Variants in CLIP3 observed in about 807,000 individuals in gnomAD.
CLIP3 encodes the protein CAP-Gly domain-containing linker protein 3.
A neutral mutation model predicts 59.4 loss-of-function variants in CLIP3; 15 were observed. The observed-to-expected ratio is 0.25, with a 90% CI of 0.17 to 0.39. The LOEUF is 0.39. CLIP3 is among the 10% of genes least tolerant of loss of function. The probability of loss-of-function intolerance (pLI) is 1.00; values close to 1 mark genes in which losing one functional copy is unlikely to be tolerated. For missense variants in CLIP3, 495 were observed against 765.7 expected (o/e 0.65, Z 4.17); for synonymous variants, 300 against 321.6 (o/e 0.93, Z 0.72).
chr19:36,023,205 C>T (rs768267722), intron 7 of CLIP3, among the ~76,000 whole-genome samples: 33 of 152,202 alleles, frequency 2.2e-4, no homozygotes, highest in Admixed American at 3.9e-4. Flanking sequence ...TGCCACTGCA[C>T]TCTGGCCTGG....
At position 36,021,002 on chromosome 19, in the gene CLIP3, C is replaced by T. The variant is rs375460244; in HGVS notation, c.919-1696G>A. On this transcript the variant is annotated intron_variant, in intron 7 of 13. Transcript: ENST00000360535. Reference sequence around the variant, plus strand: ...CCGAGTAGCTGGGACTACAGGTGAACGCCACCAAAGCCTGGCTAATTAAAA... The same window carrying T: ...CCGAGTAGCTGGGACTACAGGTGAATGCCACCAAAGCCTGGCTAATTAAAA... Among the ~76,000 whole-genome samples, 18 of 152,174 alleles carry T rather than the reference C, an allele frequency of 1.2e-4. No individual in the cohort carries two copies. In the South Asian group the frequency reaches 1.9e-3, roughly 16 times the overall value.
In CLIP3 at chr19:36,032,206, AG is replaced by A. The variant is rs1555788388; in HGVS notation, c.151del (p.Leu51SerfsTer46). On this transcript the variant is annotated frameshift_variant, in exon 2 of 14. Transcript: ENST00000360535. LOFTEE classifies it high-confidence loss of function. This position sits in a 1 kb window ranked among gnomAD's most constrained non-coding sequence, Gnocchi z 4.3. ...ACAGTGGTTACCGTAGTCCTTAGGG[AG>A]GGGGGCAGGTGCCGAGGGGTGCACA... ...PVVHPSAPAP[L>X]PKDYAFTFFD... is the part of the protein sequence containing the mutation. 9.3e-6 allele frequency: 12 copies of A among 1,284,210 alleles called. No homozygotes were observed. In the South Asian group the frequency reaches 1.2e-4, roughly 13 times the overall value. 79.6% of individuals were successfully genotyped at this position (1,284,210 alleles called of 1,614,324 possible).
chr19:36,023,003 T>C (rs1253071990), intron 7 of CLIP3, among the ~76,000 whole-genome samples: 7 of 152,080 alleles, frequency 4.6e-5, no homozygotes, highest in Non-Finnish European at 8.8e-5. Flanking sequence ...TGCAGTGAGC[T>C]GAGATCGCGC....
At chr19:36,019,425 A>G in intron 7 of CLIP3, 119 bp from the exon 8 acceptor site, 5 of 1,198,308 alleles carry the variant, frequency 4.2e-6, no homozygotes, top group Non-Finnish European at 6.0e-6. Context: ...ACCCCAGGTC[A>G]CACATCACCA....
chr19:36,031,671 C>T (rs564848157), intron 2 of CLIP3, among the ~76,000 whole-genome samples: 87 of 152,336 alleles, frequency 5.7e-4, no homozygotes, highest in Admixed American at 1.6e-3. Flanking sequence ...TCAACTGTAA[C>T]CTCCTCAGGG....
Position 36,017,412 on chromosome 19 carries a change from C to T in CLIP3, c.1490G>A (p.Gly497Glu), listed in dbSNP as rs768767409. 6.2e-7 allele frequency: 1 copy of T among 1,614,120 alleles called. No homozygotes were observed. The highest frequency in any genetic ancestry group is 2.2e-5 in the East Asian group (1 of 44,888). The change falls in exon 12 of 14, where the codon GGA (glycine) becomes GAA (glutamate). Residue 497 changes from glycine (G) to glutamate (E), a missense_variant. Physicochemically the swap from Gly to Glu is moderately conservative, Grantham distance 98 (BLOSUM62 -2). This residue lies in a region of CLIP3 where 179 missense variants were observed against 226.2 expected (regional missense o/e 0.79). Coordinates refer to ENST00000360535, the MANE Select transcript of CLIP3 (RefSeq NM_015526.3). The stretch of plus-strand genomic sequence containing the variant: ...TGTCACTTGATGCACTTTTTTGGCT[C>T]CAACGCTGTCCCCGGGGGAATCAGT... Reference protein sequence around the residue: ...GSTDSPGDSVGAKKVHQVTMT... With the variant: ...GSTDSPGDSVEAKKVHQVTMT...
Position 36,015,805 on chromosome 19 carries a change from G to A in CLIP3, c.*353C>T. On this transcript the variant is annotated 3_prime_UTR_variant, in exon 14 of 14. Coordinates refer to ENST00000360535, the MANE Select transcript of CLIP3 (RefSeq NM_015526.3). ...GTTAATGGGGAGGTTTCTGATCCAGGGTTGGGTGATTCAAGAATGTTCTGT... is the reference window on the plus strand; with the variant it reads ...GTTAATGGGGAGGTTTCTGATCCAGAGTTGGGTGATTCAAGAATGTTCTGT... The A allele has an allele frequency of 3.2e-6, 1 of 312,514 alleles. No homozygotes were observed. The allele number at this position is 312,514 out of a possible 1,614,324, so 19.4% of individuals were successfully genotyped here.
chr19:36,029,449 C>A (rs553794408), intron 2 of CLIP3, among the ~76,000 whole-genome samples: 2 of 150,980 alleles, frequency 1.3e-5, no homozygotes, highest in East Asian at 3.9e-4. Flanking sequence ...CCATGCCCAG[C>A]AATTTTTTTT....
chr19:36,019,598 A>ATTTATTTTTTT (rs1568540451), intron 7 of CLIP3, among the ~76,000 whole-genome samples: 10 of 99,390 alleles, frequency 1.0e-4, no homozygotes, highest in East Asian at 2.9e-4. Flanking sequence ...TTATTTATTT[A>ATTTATTTTTTT]TTTTATTTAT....
Position 36,017,470 on chromosome 19 carries a change from G to A in CLIP3, c.1452-20C>T. The stretch of plus-strand genomic sequence containing the variant: ...CCAATCCTGAGGAGACACGGGGAGG[G>A]GGAGAAGTCAGAGCCACAAAAGGCC... On this transcript the variant is annotated intron_variant, in intron 11 of 13. Transcript: ENST00000360535. 6.2e-7 allele frequency: 1 copy of A among 1,614,016 alleles called. No individual in the cohort carries two copies. Among genetic ancestry groups the A allele is most frequent in the South Asian group, 1.1e-5 (1 of 91,070 alleles).
At chr19:36,025,215 G>A (rs772724703) in intron 6 of CLIP3, among the ~76,000 whole-genome samples, 7 of 152,156 alleles carry the variant, frequency 4.6e-5, no homozygotes, top group Non-Finnish European at 2.9e-5. Context: ...ACACTTCAGT[G>A]CTGTAGGTCA....
At chr19:36,031,139 C>T (rs1969257123) in intron 2 of CLIP3, among the ~76,000 whole-genome samples, 1 of 150,776 alleles carries the variant, frequency 6.6e-6, no homozygotes, top group African/African-American at 2.4e-5. Flanking sequence ...CCTCAGCCTC[C>T]CGAGTGGCTG....
chr19:36,017,835 TC>T lies in CLIP3; in HGVS notation c.1327+12del. 6.2e-7 allele frequency: 1 copy of T among 1,613,830 alleles called. No individual in the cohort carries two copies. ...GCCCTGCCTGCCTCCCGGCCCAGAG[TC>T]CCCATCCTCACCTGGGGCAAAGTCT... On this transcript the variant is annotated intron_variant, in intron 10 of 13. Transcript: ENST00000360535.
At chr19:36,024,676 G>T in intron 6 of CLIP3, 44 bp from the exon 7 acceptor site, 1 of 1,579,594 alleles carries the variant, frequency 6.3e-7, no homozygotes, top group East Asian at 2.2e-5. Flanking sequence ...AGTGGCACAG[G>T]TCACACCCCC....
chr19:36,020,273 T>C (rs1968919499), intron 7 of CLIP3, among the ~76,000 whole-genome samples: 1 of 146,426 alleles, frequency 6.8e-6, no homozygotes, highest in Non-Finnish European at 1.5e-5. Flanking sequence ...ATACATACCT[T>C]AGAAAGAAGA....
intron 9 of CLIP3, among the ~76,000 whole-genome samples, 165 bp downstream of exon 9, chr19:36,018,733 C>G (rs947111582): frequency 2.6e-5 from 4 of 152,084 alleles, no homozygotes; most frequent in African/African-American, 9.7e-5. Flanking sequence ...CTAGGGGGTG[C>G]CAGTACTGAG....
chr19:36,020,151 C>T (rs1413244205), intron 7 of CLIP3, among the ~76,000 whole-genome samples: 7 of 152,080 alleles, frequency 4.6e-5, no homozygotes, highest in Non-Finnish European at 8.8e-5. Flanking sequence ...ACTTGGGAGG[C>T]TGAGGTGGGA....
At position 36,026,591 on chromosome 19, in the gene CLIP3, G is replaced by C; in HGVS notation, c.557C>G (p.Pro186Arg). Residue 186 changes from proline to arginine, a missense_variant, in exon 5 of 14, where the codon CCG becomes CGG. Physicochemically the swap from Pro to Arg is moderately radical, Grantham distance 103 (BLOSUM62 -2). Transcript: ENST00000360535. The surrounding 1 kb of genome is among the most constrained non-coding windows in gnomAD (Gnocchi z 6.3). ...GCCAGGGCTCTCCTCCTCACCTCGC[G>C]GCCTCGCACCCTTCAGCAGCACACG... ...LVRVLLKGAR[P>R]RVVNSTCSDF... The C allele has an allele frequency of 6.2e-7, 1 of 1,613,448 alleles. No homozygotes were observed. The highest frequency in any genetic ancestry group is 8.5e-7 in the Non-Finnish European group (1 of 1,179,840).
chr19:36,026,482 C>A lies in CLIP3; in HGVS notation c.562+104G>T. 1 of 1,500,396 alleles carries A rather than the reference C, an allele frequency of 6.7e-7. No homozygotes were observed. The allele number at this position is 1,500,396 out of a possible 1,614,324, so 92.9% of individuals were successfully genotyped here. Reference sequence around the variant, plus strand: ...CCACGCCTCCAACCTCCCGCTATCTCCTCAGATCACCGTCCTCCTTCCCCT... The same window carrying A: ...CCACGCCTCCAACCTCCCGCTATCTACTCAGATCACCGTCCTCCTTCCCCT... On this transcript the variant is annotated intron_variant, in intron 5 of 13. Coordinates refer to ENST00000360535, the MANE Select transcript of CLIP3 (RefSeq NM_015526.3). This position sits in a 1 kb window ranked among gnomAD's most constrained non-coding sequence, Gnocchi z 6.3.
Sources: allele counts gnomAD v4.1 joint callset (sites outside exome capture counted in the v4.1 genomes callset), GRCh38; gene constraint gnomAD v4.1.1; regional missense constraint gnomAD v4.1.1; non-coding constraint Gnocchi (gnomAD v3.1); transcripts MANE v1.5; gene names NCBI Gene and HGNC (gene_info 2026-07-23, HGNC 2026-07-21).